MAP7D3: variants seen among roughly 807,000 people sequenced by gnomAD.
The protein encoded by MAP7D3 is MAP7 domain containing 3.
A neutral mutation model predicts 62.2 loss-of-function variants in MAP7D3; 45 were observed. The observed-to-expected ratio is 0.72, with a 90% confidence interval of 0.57 to 0.93. The LOEUF is 0.93. Among genes scored for constraint, MAP7D3 ranks in the 40% least tolerant of loss-of-function variants. MAP7D3 has a pLI of 0.00. For synonymous variants in MAP7D3, 288 were observed against 248.8 expected, an observed-to-expected ratio of 1.16 and a Z score of -1.48; for missense variants, 711 against 683.1, an observed-to-expected ratio of 1.04 and a Z score of -0.45.
intron 1 of MAP7D3, among the ~76,000 whole-genome samples, chrX:136,248,132 G>A (rs1372083126): frequency 1.8e-5 from 2 of 111,821 alleles, no homozygotes; most frequent in Non-Finnish European, 3.8e-5. Context: ...AGAGTTTGAG[G>A]CTGCAGTGAG....
Position 136,228,715 on chromosome X carries a change from C to T in MAP7D3, c.1794G>A (p.Ala598=), listed in dbSNP as rs774873841. 2.2e-5 allele frequency: 27 copies of T among 1,203,113 alleles called. No individual in the cohort carries two copies. In the Admixed American group the frequency reaches 4.2e-4, roughly 19 times the overall value. The change falls in exon 11 of 19, where the codon GCG becomes GCA. Residue 598 remains alanine, a synonymous_variant. Transcript: ENST00000316077. ...GCAATTCTGTCAAAATTTTTGTTGC[C>T]GCCTCGGCATTCATAATACCTGCAG... ...KSTAGIMNAE[A]ATKILTELRR...
chrX:136,235,476 C>T (rs757810844), intron 7 of MAP7D3, among the ~76,000 whole-genome samples: 4 of 111,765 alleles, frequency 3.6e-5, no homozygotes, highest in Admixed American at 9.5e-5. Context: ...TGGCCAGGCG[C>T]GGTGGCTCAC....
upstream of MAP7D3, among the ~76,000 whole-genome samples, chrX:136,252,067 C>T (rs1240171285): frequency 8.9e-6 from 1 of 112,156 alleles, no homozygotes; most frequent in African/African-American, 3.2e-5. Context: ...CAAGGAAAAC[C>T]GTCATTGGCC....
At position 136,231,948 on chromosome X, in the gene MAP7D3, A is replaced by C. The variant is rs930651050; in HGVS notation, c.1009T>G (p.Ser337Ala). 2.5e-6 allele frequency: 3 copies of C among 1,209,029 alleles called. No homozygotes were observed. In the African/African-American group the frequency reaches 5.3e-5, roughly 21 times the overall value. The part of the protein sequence containing the change: ...VGMAPEVSTD[S>A]FPVVSVDVSP... ...ACGTCCACGCTCACCACAGGGAATG[A>C]GTCCGTGCTCACCTCAGGGGCCATG... is the stretch of plus-strand genomic sequence containing the variant. Residue 337 changes from serine (S) to alanine (A), a missense_variant, in exon 8 of 19, where the codon TCA (serine) becomes GCA (alanine). Coordinates refer to ENST00000316077, the MANE Select transcript of MAP7D3 (RefSeq NM_024597.4).
Position 136,227,380 on chromosome X carries a change from T to TCCA in MAP7D3, c.1937_1938insTGG (p.Ala646_Glu647insGly), listed in dbSNP as rs781066199. On this transcript the variant is annotated inframe_insertion, in exon 12 of 19. Coordinates refer to ENST00000316077, the MANE Select transcript of MAP7D3 (RefSeq NM_024597.4). ...CATCTTTGAGTTTCAAGTGGTCTTC[T>TCCA]GCTTGGCCTCCAACTGCTTCCTTTG... The TCCA allele has an allele frequency of 8.4e-6, 10 of 1,193,325 alleles. No homozygotes were observed. The highest frequency in any genetic ancestry group is 6.7e-5 in the Admixed American group (3 of 44,770).
At chrX:136,244,050 C>T (rs1207652311) in intron 4 of MAP7D3, among the ~76,000 whole-genome samples, 1 of 111,553 alleles carries the variant, frequency 9.0e-6, no homozygotes, top group Non-Finnish European at 1.9e-5. Flanking sequence ...AGAATGCTGA[C>T]TCTGAACCAC....
intron 13 of MAP7D3, among the ~76,000 whole-genome samples, chrX:136,225,122 GACA>G (rs1401139067): frequency 8.9e-6 from 1 of 112,280 alleles, no homozygotes; most frequent in Non-Finnish European, 1.9e-5. Flanking sequence ...ACATTCAAAT[GACA>G]ACATCTCACT....
At chrX:136,240,300 C>T (rs1199357127) in intron 6 of MAP7D3, 82 bp downstream of exon 6, 3 of 570,861 alleles carry the variant, frequency 5.3e-6, no homozygotes, top group Non-Finnish European at 9.0e-6. Flanking sequence ...GTTCCACAAT[C>T]TAAATAGGTG....
chrX:136,233,305 C>T (rs184537199), intron 7 of MAP7D3, among the ~76,000 whole-genome samples: 62 of 102,784 alleles, frequency 6.0e-4, no homozygotes, highest in African/African-American at 2.1e-3. Context: ...GATGGAGTCT[C>T]GCTCTATCAC....
intron 4 of MAP7D3, among the ~76,000 whole-genome samples, chrX:136,243,674 G>A (rs1455338425): frequency 9.2e-6 from 1 of 109,096 alleles, no homozygotes; most frequent in African/African-American, 3.3e-5. Context: ...CTATACTCCA[G>A]CCTGGGCGAC....
chrX:136,230,479 T>C lies in MAP7D3; in HGVS notation c.1656A>G (p.Gln552=), dbSNP rs759607411. The part of the protein sequence containing the change: ...IMPIQHTLSV[Q]SASSTVKKKK... The stretch of plus-strand genomic sequence containing the variant: ...TCTTTTTGACAGTACTTGATGCACT[T>C]TGCACAGACAGGGTGTGTTGAATAG... Residue 552 remains glutamine (Q), a synonymous_variant, in exon 10 of 19, where the codon CAA becomes CAG. Coordinates refer to ENST00000316077, the MANE Select transcript of MAP7D3 (RefSeq NM_024597.4). The C allele has an allele frequency of 7.6e-6, 9 of 1,188,724 alleles. No individual in the cohort carries two copies. In the African/African-American group the frequency reaches 1.6e-4, roughly 21 times the overall value.
At chrX:136,256,274 G>T (rs934035934), upstream of MAP7D3, 2 of 1,153,494 alleles carry the variant, frequency 1.7e-6, no homozygotes, top group Non-Finnish European at 2.3e-6. Flanking sequence ...CCACATCTGC[G>T]CTTTCTTCCC....
In MAP7D3 at chrX:136,240,464, A is replaced by C; in HGVS notation, c.558T>G (p.Thr186=). The change falls in exon 6 of 19, where the codon ACT becomes ACG. Residue 186 remains threonine (T), a synonymous_variant. Coordinates refer to ENST00000316077, the MANE Select transcript of MAP7D3 (RefSeq NM_024597.4). Reference sequence around the variant, plus strand: ...CAGAAGTACCCTGTTCAAGTTTTTCAGTAGATGCAGATCGTTTATTGGCTG... The same window carrying C: ...CAGAAGTACCCTGTTCAAGTTTTTCCGTAGATGCAGATCGTTTATTGGCTG... ...SKTANKRSAS[T]EKLEQGTSAL... The C allele has an allele frequency of 1.7e-6, 2 of 1,182,960 alleles. No individual in the cohort carries two copies. The highest frequency in any genetic ancestry group is 2.3e-6 in the Non-Finnish European group (2 of 869,280).
intron 6 of MAP7D3, among the ~76,000 whole-genome samples, chrX:136,238,947 T>C (rs1325778584): frequency 8.9e-6 from 1 of 111,928 alleles, no homozygotes; most frequent in African/African-American, 3.2e-5. Flanking sequence ...TGCTCAAAAA[T>C]TGTCGAGATA....
At chrX:136,255,113 G>A (rs1377473451), upstream of MAP7D3, among the ~76,000 whole-genome samples, 1 of 112,103 alleles carries the variant, frequency 8.9e-6, no homozygotes, top group Non-Finnish European at 1.9e-5. Context: ...GGTACTAGGA[G>A]GCGGAGGCAG....
Position 136,239,247 on chromosome X carries a change from A to AT in MAP7D3, c.640+1134dup, listed in dbSNP as rs1358819398. On this transcript the variant is annotated intron_variant, in intron 6 of 18. Transcript: ENST00000316077. ...GTTATTGACACACACTTGGGTATAG[A>AT]TTTTTCTTTTAATAAGGAACACTAA... Among the ~76,000 whole-genome samples the AT allele has an allele frequency of 6.2e-5, 7 of 112,114 alleles. No individual in the cohort carries two copies. In the East Asian group the frequency reaches 1.7e-3, roughly 27 times the overall value.
chrX:136,239,175 C>T (rs2074361087), intron 6 of MAP7D3, among the ~76,000 whole-genome samples: 1 of 111,356 alleles, frequency 9.0e-6, no homozygotes, highest in African/African-American at 3.3e-5. Context: ...TTGCCTAATC[C>T]ATTTCAATTA....
chrX:136,233,440 A>T lies in MAP7D3; in HGVS notation c.737-1220T>A, dbSNP rs781711296. On this transcript the variant is annotated intron_variant, in intron 7 of 18. Coordinates refer to ENST00000316077, the MANE Select transcript of MAP7D3 (RefSeq NM_024597.4). ...CAGACATGTGCCACCACACCCGGAAAATTTTGTATTTTTAGTAGAGACGGG... is the reference window on the plus strand; with the variant it reads ...CAGACATGTGCCACCACACCCGGAATATTTTGTATTTTTAGTAGAGACGGG... Among the ~76,000 whole-genome samples, 5 of 107,350 alleles carry T rather than the reference A, an allele frequency of 4.7e-5. 1 individual carries two copies. In the South Asian group the frequency reaches 2.1e-3, roughly 45 times the overall value. The allele number at this position is 107,350 out of a possible 115,157, so 93.2% of individuals were successfully genotyped here.
At chrX:136,249,837 G>T (rs190825602) in intron 1 of MAP7D3, among the ~76,000 whole-genome samples, 1 of 112,454 alleles carries the variant, frequency 8.9e-6, no homozygotes, top group Non-Finnish European at 1.9e-5. Context: ...GGGCAGCAAG[G>T]TTTTAAACCA....
Sources: gnomAD v4.1 joint callset for allele counts (sites outside exome capture counted in the v4.1 genomes callset) on GRCh38, gnomAD v4.1.1 for gene constraint, MANE v1.5 for transcripts, NCBI Gene and HGNC (gene_info 2026-07-23, HGNC 2026-07-21) for gene names.